The following TPRG1 variants were observed in gnomAD, a reference collection of about 807,000 sequenced individuals.
TPRG1 encodes the protein tumor protein p63 regulated 1, also known as tumor protein p63-regulated gene 1 protein.
Under a neutral mutation model 29.3 loss-of-function variants are expected in TPRG1, and 29 were observed. That is an observed-to-expected ratio of 0.99 (90% CI 0.74 to 1.35). The LOEUF is 1.35. TPRG1 is among the 40% of genes most tolerant of loss of function. The probability of loss-of-function intolerance (pLI) is 0.00; values close to 1 mark genes in which losing one functional copy is unlikely to be tolerated. For missense variants in TPRG1, 327 were observed against 335.0 expected (o/e 0.98, Z 0.19); for synonymous variants, 130 against 116.8 (o/e 1.11, Z -0.73).
intron 4 of TPRG1, among the ~76,000 whole-genome samples, chr3:189,300,853 C>A (rs184825055): frequency 6.6e-6 from 1 of 152,178 alleles, no homozygotes; most frequent in African/African-American, 2.4e-5. Context: ...GGCTCTTGAC[C>A]GGAAATCCAG....
intron 1 of TPRG1, among the ~76,000 whole-genome samples, chr3:189,112,877 A>T (rs892739893): frequency 2.6e-5 from 4 of 152,132 alleles, no homozygotes; most frequent in African/African-American, 9.7e-5. Flanking sequence ...TCGGTTCCAT[A>T]TGAACTTTAA....
At chr3:189,299,029 A>G (rs1220135565) in intron 4 of TPRG1, among the ~76,000 whole-genome samples, 2 of 151,600 alleles carry the variant, frequency 1.3e-5, no homozygotes, top group African/African-American at 4.9e-5. Flanking sequence ...TTGAGAGGAA[A>G]TGGAAACAGG....
chr3:189,312,175 T>C (rs184010525), intron 5 of TPRG1, among the ~76,000 whole-genome samples: 1,890 of 64,574 alleles, frequency 0.029, 102 homozygotes, highest in East Asian at 0.094. Context: ...CTTTCTTTCT[T>C]TCTTTCTTTT....
intron 4 of TPRG1, among the ~76,000 whole-genome samples, chr3:189,259,462 CTTT>C (rs35016491): frequency 5.6e-4 from 52 of 92,110 alleles, no homozygotes; most frequent in African/African-American, 2.4e-3. Context: ...CCAGGAATCC[CTTT>C]TTTTTTTTTT....
intron 4 of TPRG1, among the ~76,000 whole-genome samples, chr3:189,041,553 T>A (rs975032266): frequency 2.0e-5 from 3 of 152,180 alleles, no homozygotes; most frequent in Non-Finnish European, 1.5e-5. Context: ...AAAGCAAAAC[T>A]GCACATGGGG....
intron 1 of TPRG1, among the ~76,000 whole-genome samples, chr3:189,204,945 T>TCACA (rs1206636743): frequency 1.2e-3 from 107 of 92,746 alleles, no homozygotes; most frequent in African/African-American, 3.5e-3. Flanking sequence ...TCTCTCTCTC[T>TCACA]CTCACACACA....
intron 4 of TPRG1, among the ~76,000 whole-genome samples, chr3:189,288,006 T>G (rs925850038): frequency 6.6e-6 from 1 of 151,808 alleles, no homozygotes; most frequent in African/African-American, 2.4e-5. Flanking sequence ...AATTTAAATT[T>G]AAAAAATTTA....
chr3:189,271,854 T>C (rs936022472), intron 4 of TPRG1, among the ~76,000 whole-genome samples: 3 of 152,220 alleles, frequency 2.0e-5, no homozygotes, highest in Admixed American at 2.0e-4. Flanking sequence ...TGTGGTATGA[T>C]GACATGTTAA....
chr3:189,004,042 G>A (rs1456442047), intron 2 of TPRG1, among the ~76,000 whole-genome samples: 6 of 152,018 alleles, frequency 3.9e-5, no homozygotes, highest in East Asian at 3.9e-4. Context: ...AAGTGAATCC[G>A]ACAGAGAAAA....
chr3:189,192,144 G>A (rs1448301170), intron 1 of TPRG1, among the ~76,000 whole-genome samples: 1 of 152,116 alleles, frequency 6.6e-6, no homozygotes, highest in African/African-American at 2.4e-5. Flanking sequence ...TAGAAAAATT[G>A]CATTTCTAAA....
intron 5 of TPRG1, among the ~76,000 whole-genome samples, chr3:189,315,920 G>A (rs1292758086): frequency 2.0e-5 from 3 of 152,148 alleles, no homozygotes; most frequent in African/African-American, 7.2e-5. Context: ...GAACAGATAA[G>A]TCCAAAAGTT....
At chr3:189,007,699 A>G (rs905343631) in intron 3 of TPRG1, among the ~76,000 whole-genome samples, 20 of 141,808 alleles carry the variant, frequency 1.4e-4, no homozygotes, top group South Asian at 4.8e-4. Flanking sequence ...CATATACACC[A>G]TGGAATACTA....
At chr3:189,016,583 C>A (rs1325665062) in intron 3 of TPRG1, among the ~76,000 whole-genome samples, 1 of 152,008 alleles carries the variant, frequency 6.6e-6, no homozygotes, top group African/African-American at 2.4e-5. Flanking sequence ...TGTGACCCCA[C>A]CCAAATCTCA....
intron 5 of TPRG1, among the ~76,000 whole-genome samples, chr3:189,152,393 T>C (rs1726050317): frequency 6.6e-6 from 1 of 152,172 alleles, no homozygotes; most frequent in Non-Finnish European, 1.5e-5. Context: ...CATGGTCATC[T>C]CCAAATTAGA....
intron 4 of TPRG1, among the ~76,000 whole-genome samples, chr3:189,260,058 G>A (rs902621200): frequency 1.3e-5 from 2 of 152,170 alleles, no homozygotes; most frequent in African/African-American, 4.8e-5. Context: ...TTGTTCTGAA[G>A]TCGGGCTGAC....
chr3:189,099,349 G>A (rs1177523912), upstream of TPRG1, among the ~76,000 whole-genome samples: 2 of 152,132 alleles, frequency 1.3e-5, no homozygotes, highest in Non-Finnish European at 2.9e-5. Flanking sequence ...TTGCGCTGAC[G>A]AAGTGGATTT....
At chr3:189,260,655 A>G (rs915329300) in intron 4 of TPRG1, among the ~76,000 whole-genome samples, 5 of 152,210 alleles carry the variant, frequency 3.3e-5, no homozygotes, top group African/African-American at 4.8e-5. Context: ...GTATCTCTCC[A>G]TGCTATTTAA....
upstream of TPRG1, among the ~76,000 whole-genome samples, chr3:189,099,342 C>T (rs557439476): frequency 9.2e-5 from 14 of 152,100 alleles, no homozygotes; most frequent in South Asian, 1.7e-3. Flanking sequence ...GTTGCTCTTG[C>T]GCTGACGAAG....
rs138319971 is a variant in TPRG1 at position 189,043,398 on chromosome 3, A to C, written c.-463+19452A>C. 6.4e-4 allele frequency among the ~76,000 whole-genome samples: 98 copies of C among 152,342 alleles called. 1 individual carries two copies. Among genetic ancestry groups the C allele is most frequent in the African/African-American group, 2.3e-3 (96 of 41,582 alleles). ...ACTGACTTTCTCTGTGACCTCGTGC[A>C]AGATGTTTCTTTCTTAGCCCTCAGT... is the stretch of plus-strand genomic sequence containing the variant. On this transcript the variant is annotated intron_variant, in intron 4 of 10. Coordinates refer to the TPRG1 transcript ENST00000433971.
Sources: gnomAD v4.1 joint callset for allele counts (sites outside exome capture counted in the v4.1 genomes callset) on GRCh38, gnomAD v4.1.1 for gene constraint, MANE v1.5 for transcripts, NCBI Gene and HGNC (gene_info 2026-07-23, HGNC 2026-07-21) for gene names.